Variants in PHACTR3 observed in about 807,000 individuals in gnomAD.
PHACTR3 encodes protein phosphatase 1, regulatory subunit 123.
In PHACTR3, 16 loss-of-function variants were observed where a neutral mutation model predicts 66.8. The observed-to-expected ratio is 0.24, with a 90% CI of 0.16 to 0.36. The LOEUF is 0.36. Ranked by LOEUF, PHACTR3 falls within the 10% of genes least tolerant of loss-of-function variation. PHACTR3 has a pLI of 1.00. For synonymous variants in PHACTR3, 323 were observed against 292.1 expected (o/e 1.11, Z -1.08); for missense variants, 647 against 719.9 (o/e 0.90, Z 1.16).
At chr20:59,592,388 A>G (rs926724102) in intron 1 of PHACTR3, among the ~76,000 whole-genome samples, 1 of 152,172 alleles carries the variant, frequency 6.6e-6, no homozygotes, top group African/African-American at 2.4e-5. Flanking sequence ...AGCTCCACAC[A>G]TTATCAACAT....
rs1325571204 is a variant in PHACTR3, at chr20:59,818,452, T to A, written c.1328+12258T>A. On this transcript the variant is annotated intron_variant, in intron 8 of 12. Transcript: ENST00000371015. Reference sequence around the variant, plus strand: ...CAGTTTTAACAGCTTTGTTGAGACATAATTCACACACCACATGCTTCACGC... The same window carrying A: ...CAGTTTTAACAGCTTTGTTGAGACAAAATTCACACACCACATGCTTCACGC... Among the ~76,000 whole-genome samples the A allele has an allele frequency of 2.6e-5, 4 of 152,270 alleles. No individual in the cohort carries two copies. In the South Asian group the frequency reaches 6.2e-4, roughly 24 times the overall value.
chr20:59,658,032 TCTGA>T (rs547612028), intron 1 of PHACTR3, among the ~76,000 whole-genome samples: 13 of 152,190 alleles, frequency 8.5e-5, no homozygotes, highest in Non-Finnish European at 1.6e-4. Flanking sequence ...TTGAATAATC[TCTGA>T]CTGTCTTCAA....
At chr20:59,686,608 GTGA>G (rs538785563) in intron 1 of PHACTR3, among the ~76,000 whole-genome samples, 42 of 151,020 alleles carry the variant, frequency 2.8e-4, no homozygotes, top group Middle Eastern at 3.5e-3. Context: ...GATGATGGTG[GTGA>G]TGATGATGGT....
chr20:59,667,394 A>G (rs1601046630), intron 1 of PHACTR3, among the ~76,000 whole-genome samples: 1 of 152,302 alleles, frequency 6.6e-6, no homozygotes, highest in Middle Eastern at 3.4e-3. Context: ...CTGCCTCCCA[A>G]CTAGCCCGTC....
At chr20:59,622,992 A>AAAAAAAAAAAAAAAAAAAC (rs1371507011) in intron 1 of PHACTR3, among the ~76,000 whole-genome samples, 3 of 145,176 alleles carry the variant, frequency 2.1e-5, no homozygotes, top group Non-Finnish European at 3.0e-5. Context: ...AAAAAAAAAA[A>AAAAAAAAAAAAAAAAAAAC]AAAAAAAAAC....
intron 4 of PHACTR3, among the ~76,000 whole-genome samples, chr20:59,757,250 TAGCTC>T (rs2039832438): frequency 6.6e-6 from 1 of 152,232 alleles, no homozygotes; most frequent in Non-Finnish European, 1.5e-5. Flanking sequence ...GTGATTTCTG[TAGCTC>T]AGCTCAGGGC....
chr20:59,606,307 C>CT (rs368025731), intron 1 of PHACTR3, among the ~76,000 whole-genome samples: 9 of 151,978 alleles, frequency 5.9e-5, no homozygotes, highest in African/African-American at 2.2e-4. Flanking sequence ...GATCCCTCCC[C>CT]CCCCCATTTG....
intron 1 of PHACTR3, among the ~76,000 whole-genome samples, chr20:59,678,843 G>C (rs765568271): frequency 6.6e-6 from 1 of 152,054 alleles, no homozygotes; most frequent in Non-Finnish European, 1.5e-5. Flanking sequence ...TGCCGGACCA[G>C]AAGGCAGCAA....
chr20:59,723,088 T>A lies in PHACTR3; in HGVS notation c.119-20019T>A, dbSNP rs2038400641. 2.7e-5 allele frequency among the ~76,000 whole-genome samples: 4 copies of A among 150,122 alleles called. No homozygotes were observed. In the South Asian group the frequency reaches 8.6e-4, roughly 32 times the overall value. On this transcript the variant is annotated intron_variant, in intron 1 of 12. Coordinates refer to ENST00000371015, the MANE Select transcript of PHACTR3 (RefSeq NM_080672.5). ...TTTCTTTCTTTCTTTCTTTCTTTCT[T>A]TCTTTCTTTCTTTCTTTCTTTCTTT...
intron 7 of PHACTR3, among the ~76,000 whole-genome samples, chr20:59,800,040 A>G (rs899617962): frequency 6.6e-6 from 1 of 152,148 alleles, no homozygotes; most frequent in East Asian, 1.9e-4. Flanking sequence ...ACCTCAAGCA[A>G]TAGTATGCTA....
chr20:59,654,672 A>G (rs570284908), intron 1 of PHACTR3, among the ~76,000 whole-genome samples: 1 of 152,270 alleles, frequency 6.6e-6, no homozygotes, highest in South Asian at 2.1e-4. Context: ...CGTGTTAACA[A>G]ATTGACCAGC....
At chr20:59,658,765 A>G (rs1032984224) in intron 1 of PHACTR3, among the ~76,000 whole-genome samples, 4 of 152,118 alleles carry the variant, frequency 2.6e-5, no homozygotes, top group South Asian at 2.1e-4. Context: ...TTCCTCTACA[A>G]CCTGATCCAG....
At chr20:59,708,194 T>G (rs2037781502) in intron 1 of PHACTR3, among the ~76,000 whole-genome samples, 1 of 152,180 alleles carries the variant, frequency 6.6e-6, no homozygotes, top group South Asian at 2.1e-4. Flanking sequence ...GGACTGCTGA[T>G]GGGGACAGGG....
chr20:59,702,289 C>T (rs991603675), intron 1 of PHACTR3, among the ~76,000 whole-genome samples: 2 of 152,116 alleles, frequency 1.3e-5, no homozygotes, highest in Non-Finnish European at 2.9e-5. Flanking sequence ...GCCTCTTCTC[C>T]CACTCCATCT....
At chr20:59,731,209 G>A (rs1474375861) in intron 1 of PHACTR3, among the ~76,000 whole-genome samples, 1 of 152,142 alleles carries the variant, frequency 6.6e-6, no homozygotes, top group Non-Finnish European at 1.5e-5. Context: ...GTCTCCTGAT[G>A]TGTTATTTCA....
Position 59,847,553 on chromosome 20 carries a change from A to G in PHACTR3, c.*423A>G, listed in dbSNP as rs116408393. The stretch of plus-strand genomic sequence containing the variant: ...AAAAGACATTTTTATCCTGATCATA[A>G]TTAATTTGAAAACTCTTTAAGTTCA... On this transcript the variant is annotated 3_prime_UTR_variant, in exon 13 of 13. Coordinates refer to ENST00000371015, the MANE Select transcript of PHACTR3 (RefSeq NM_080672.5). 1,161 of 158,448 alleles carry G rather than the reference A, an allele frequency of 7.3e-3. 17 individuals carry two copies. Among genetic ancestry groups the G allele is most frequent in the African/African-American group, 0.026 (1,092 of 41,880 alleles). 9.8% of individuals were successfully genotyped at this position (158,448 alleles called of 1,614,324 possible).
intron 1 of PHACTR3, among the ~76,000 whole-genome samples, chr20:59,592,671 C>T (rs2033218133): frequency 6.6e-6 from 1 of 152,204 alleles, no homozygotes; most frequent in African/African-American, 2.4e-5. Flanking sequence ...CTCTGCAACC[C>T]CTGGCATCCA....
upstream of PHACTR3, among the ~76,000 whole-genome samples, chr20:59,602,269 C>T (rs2033498402): frequency 2.0e-5 from 3 of 151,966 alleles, no homozygotes; most frequent in South Asian, 6.3e-4. Flanking sequence ...TGAAGGCTTC[C>T]TTTAACATGC....
At chr20:59,628,687 G>A (rs2034554023) in intron 1 of PHACTR3, 1 of 985,296 alleles carries the variant, frequency 1.0e-6, no homozygotes, top group African/African-American at 1.7e-5. Flanking sequence ...GACCTCCCCT[G>A]TTGCCTGTGC....
Sources: allele counts gnomAD v4.1 joint callset (sites outside exome capture counted in the v4.1 genomes callset), GRCh38; gene constraint gnomAD v4.1.1; transcripts MANE v1.5; gene names NCBI Gene and HGNC (gene_info 2026-07-23, HGNC 2026-07-21).